PACSIN2: variants seen among roughly 807,000 people sequenced by gnomAD.
The protein encoded by PACSIN2 is protein kinase C and casein kinase substrate in neurons 2, also known as protein kinase C and casein kinase substrate in neurons protein 2.
Under a neutral mutation model 63.8 loss-of-function variants are expected in PACSIN2, and 25 were observed. The observed-to-expected ratio is 0.39, with a 90% CI of 0.29 to 0.55. The LOEUF is 0.55. PACSIN2 is among the 20% of genes least tolerant of loss of function. The pLI is 0.62. For missense variants in PACSIN2, 518 were observed against 646.9 expected (o/e 0.80, Z 2.16); for synonymous variants, 255 against 256.2 (o/e 1.00, Z 0.05).
intron 2 of PACSIN2, among the ~76,000 whole-genome samples, chr22:42,898,068 G>A (rs1407393370): frequency 6.6e-6 from 1 of 152,112 alleles, no homozygotes; most frequent in Non-Finnish European, 1.5e-5. Context: ...ATCCTGGAAG[G>A]AAGAATTGAG....
At chr22:42,935,395 C>T (rs557869473) in intron 1 of PACSIN2, among the ~76,000 whole-genome samples, 1 of 152,254 alleles carries the variant, frequency 6.6e-6, no homozygotes, top group East Asian at 1.9e-4. Context: ...GCACAGACTG[C>T]CCCTCTTCCA....
chr22:42,967,136 G>A (rs1204838572), intron 1 of PACSIN2, among the ~76,000 whole-genome samples: 1 of 152,162 alleles, frequency 6.6e-6, no homozygotes, highest in East Asian at 1.9e-4. Flanking sequence ...GAATGTGGAA[G>A]GTGGGGCTGG....
chr22:42,986,534 G>A (rs1217572913), intron 1 of PACSIN2, among the ~76,000 whole-genome samples: 2 of 152,124 alleles, frequency 1.3e-5, no homozygotes, highest in Admixed American at 6.6e-5. Flanking sequence ...CACAGTTCAC[G>A]GAGGCCTTTT....
At chr22:42,883,710 C>T (rs1289073924) in intron 6 of PACSIN2, among the ~76,000 whole-genome samples, 1 of 152,252 alleles carries the variant, frequency 6.6e-6, no homozygotes, top group Non-Finnish European at 1.5e-5. Flanking sequence ...GTGGATCTTA[C>T]ATATGCCAGC....
intron 1 of PACSIN2, among the ~76,000 whole-genome samples, chr22:42,980,551 G>A (rs1413317007): frequency 1.5e-5 from 2 of 135,386 alleles, no homozygotes; most frequent in African/African-American, 2.9e-5. Flanking sequence ...AAGCTGGACG[G>A]TACTGCTGCC....
chr22:42,876,282 A>G lies in PACSIN2; in HGVS notation c.1203T>C (p.Asp401=). ...TQSYPTDWSD[D]ESNNPFSSTD... ...TGGAGGAGAAGGGGTTGTTAGACTCATCGTCTGACCAGTCGGTGGGATAGC... is the reference window on the plus strand; with the variant it reads ...TGGAGGAGAAGGGGTTGTTAGACTCGTCGTCTGACCAGTCGGTGGGATAGC... The change falls in exon 10 of 11, where the codon GAT becomes GAC. Residue 401 remains aspartate (D), a synonymous_variant. Transcript: ENST00000263246. 1.2e-6 allele frequency: 2 copies of G among 1,614,218 alleles called. No homozygotes were observed. The highest frequency in any genetic ancestry group is 1.1e-5 in the South Asian group (1 of 91,090).
At chr22:42,919,261 A>C (rs1932007309) in intron 1 of PACSIN2, among the ~76,000 whole-genome samples, 1 of 152,220 alleles carries the variant, frequency 6.6e-6, no homozygotes, top group Non-Finnish European at 1.5e-5. Flanking sequence ...TCTGAGAGCC[A>C]CTGTCCTTGT....
At chr22:42,909,375 G>A (rs764509434) in intron 2 of PACSIN2, 9 of 365,700 alleles carry the variant, frequency 2.5e-5, no homozygotes, top group Non-Finnish European at 5.0e-5. Flanking sequence ...AAGACCACAA[G>A]GCTTTCTTTG....
intron 2 of PACSIN2, among the ~76,000 whole-genome samples, chr22:42,910,744 C>T (rs903188062): frequency 6.6e-6 from 1 of 152,178 alleles, no homozygotes; most frequent in African/African-American, 2.4e-5. Context: ...CCCCTCACCC[C>T]TCCAGAAGGA....
intron 1 of PACSIN2, among the ~76,000 whole-genome samples, chr22:42,989,859 GAAA>G (rs575057018): frequency 1.7e-5 from 2 of 115,134 alleles, no homozygotes; most frequent in African/African-American, 6.6e-5. Flanking sequence ...CTTGGAGGGG[GAAA>G]AAAAAATATA....
intron 2 of PACSIN2, among the ~76,000 whole-genome samples, chr22:42,904,331 G>C (rs1004780709): frequency 2.0e-5 from 3 of 152,224 alleles, no homozygotes; most frequent in African/African-American, 7.2e-5. Flanking sequence ...GGGTCTCTGG[G>C]AAGACATGCA....
intron 1 of PACSIN2, among the ~76,000 whole-genome samples, chr22:42,954,462 C>T (rs1933831691): frequency 6.6e-6 from 1 of 152,130 alleles, no homozygotes; most frequent in Non-Finnish European, 1.5e-5. Flanking sequence ...GTGGCACTAT[C>T]ACAGCTCATT....
At chr22:42,947,925 AC>A (rs1933504232) in intron 1 of PACSIN2, among the ~76,000 whole-genome samples, 1 of 152,188 alleles carries the variant, frequency 6.6e-6, no homozygotes, top group East Asian at 1.9e-4. Flanking sequence ...AGGTGCCCCC[AC>A]ACTGGGGCAC....
At chr22:42,911,549 T>G (rs1931460012) in intron 2 of PACSIN2, among the ~76,000 whole-genome samples, 1 of 152,162 alleles carries the variant, frequency 6.6e-6, no homozygotes, top group Non-Finnish European at 1.5e-5. Context: ...GGGTACAGAC[T>G]GGCGGCAGAT....
chr22:43,000,912 T>C (rs2146917529), intron 1 of PACSIN2, among the ~76,000 whole-genome samples: 1 of 152,336 alleles, frequency 6.6e-6, no homozygotes, highest in Non-Finnish European at 1.5e-5. Context: ...TCTGGAGTAC[T>C]GGAAGGCCCT....
intron 1 of PACSIN2, among the ~76,000 whole-genome samples, chr22:42,947,740 CA>C (rs1933492967): frequency 6.6e-6 from 1 of 152,128 alleles, no homozygotes. Flanking sequence ...CTGCGCCTGA[CA>C]CTGCTCATGG....
At chr22:42,886,980 C>T (rs572602708) in intron 5 of PACSIN2, among the ~76,000 whole-genome samples, 62 of 152,354 alleles carry the variant, frequency 4.1e-4, no homozygotes, top group African/African-American at 1.1e-3. Context: ...CACACAGGCA[C>T]GCCCCCGCCC....
At chr22:42,893,318 G>A (rs564525051) in intron 3 of PACSIN2, 139 bp downstream of exon 3, 30 of 843,286 alleles carry the variant, frequency 3.6e-5, no homozygotes, top group African/African-American at 3.0e-4. Context: ...ATCACACCCC[G>A]CTCTGGAACT....
At chr22:42,944,927 A>G (rs927499545) in intron 1 of PACSIN2, among the ~76,000 whole-genome samples, 3 of 152,004 alleles carry the variant, frequency 2.0e-5, no homozygotes, top group Non-Finnish European at 4.4e-5. Flanking sequence ...GTGAAACCCT[A>G]TGTCTACTAA....
Sources: allele counts gnomAD v4.1 joint callset (sites outside exome capture counted in the v4.1 genomes callset), GRCh38; gene constraint gnomAD v4.1.1; transcripts MANE v1.5; gene names NCBI Gene and HGNC (gene_info 2026-07-23, HGNC 2026-07-21).